CACNG4: variants seen among roughly 807,000 people sequenced by gnomAD.
CACNG4 encodes calcium voltage-gated channel auxiliary subunit gamma 4.
In CACNG4, 8 loss-of-function variants were observed where a neutral mutation model predicts 22.9. The ratio of observed to expected loss-of-function variants is 0.35; its 90% CI spans 0.21 to 0.63. The LOEUF is 0.63. Ranked by LOEUF, CACNG4 falls within the 30% of genes least tolerant of loss-of-function variation. CACNG4 has a pLI of 0.72. For synonymous variants in CACNG4, 188 were observed against 191.9 expected, an observed-to-expected ratio of 0.98 and a Z score of 0.17; for missense variants, 357 against 455.4, an observed-to-expected ratio of 0.78 and a Z score of 1.97.
At position 67,024,998 on chromosome 17, in the gene CACNG4, C is replaced by A; in HGVS notation, c.443C>A (p.Ala148Glu). ...AGTGCCGGCATCCTCTTCGTGGCTG[C>A]AGGTGAGCCGCCCGCCCGGGCTGGT... ...VLSAGILFVA[A>E]GLSNIIGIIV... The change falls in exon 3 of 4, where the codon GCA becomes GAA. Residue 148 changes from alanine (A) to glutamate (E), a missense_variant and splice_region_variant. Coordinates refer to ENST00000262138, the MANE Select transcript of CACNG4 (RefSeq NM_014405.4). 6.3e-7 allele frequency: 1 copy of A among 1,588,454 alleles called. No individual in the cohort carries two copies. Among genetic ancestry groups the A allele is most frequent in the Admixed American group, 1.7e-5 (1 of 57,386 alleles).
chr17:66,975,207 G>C (rs1400432463), intron 1 of CACNG4, among the ~76,000 whole-genome samples: 2 of 152,170 alleles, frequency 1.3e-5, no homozygotes, highest in Non-Finnish European at 2.9e-5. Flanking sequence ...AAAACCAAAT[G>C]AGTAAAAATC....
At position 67,026,654 on chromosome 17, in the gene CACNG4, CGTGT is replaced by C. The variant is rs2035569270; in HGVS notation, c.445+1659_445+1662del. Among the ~76,000 whole-genome samples the C allele has an allele frequency of 3.8e-5, 4 of 104,338 alleles. No homozygotes were observed. In the South Asian group the frequency reaches 1.2e-3, roughly 33 times the overall value. The allele number at this position is 104,338 out of a possible 152,430, so 68.4% of individuals were successfully genotyped here. Reference sequence around the variant, plus strand: ...GTGTGTGTCTGAGACGTGTAGTGTGCGTGTGTGTATTTGAGGACTGTGGTGTGTG... The same window carrying C: ...GTGTGTGTCTGAGACGTGTAGTGTGCGTGTATTTGAGGACTGTGGTGTGTG... On this transcript the variant is annotated intron_variant, in intron 3 of 3. Transcript: ENST00000262138.
At chr17:66,999,647 C>A (rs867113512) in intron 1 of CACNG4, among the ~76,000 whole-genome samples, 4 of 152,144 alleles carry the variant, frequency 2.6e-5, no homozygotes, top group African/African-American at 9.7e-5. Flanking sequence ...CAGGAGAACA[C>A]CACGGGGGGA....
At chr17:67,016,620 C>T (rs778384597) in intron 1 of CACNG4, among the ~76,000 whole-genome samples, 4 of 152,168 alleles carry the variant, frequency 2.6e-5, no homozygotes, top group Non-Finnish European at 4.4e-5. Flanking sequence ...CGCTTGCAGC[C>T]GCTGCAGGAA....
At chr17:67,012,442 G>A (rs2143344390) in intron 1 of CACNG4, among the ~76,000 whole-genome samples, 1 of 152,240 alleles carries the variant, frequency 6.6e-6, no homozygotes, top group African/African-American at 2.4e-5. Context: ...CCATCCTAGG[G>A]ACCAGGCATC....
chr17:67,000,933 C>A (rs1255163424), intron 1 of CACNG4, among the ~76,000 whole-genome samples: 2 of 152,040 alleles, frequency 1.3e-5, no homozygotes, highest in Non-Finnish European at 1.5e-5. Flanking sequence ...TCTTGTATAT[C>A]AGATGGTTAG....
chr17:66,988,264 G>C (rs866369864), intron 1 of CACNG4, among the ~76,000 whole-genome samples: 1 of 151,996 alleles, frequency 6.6e-6, no homozygotes, highest in Non-Finnish European at 1.5e-5. Flanking sequence ...TGGAGCACAC[G>C]CATCAAGGCT....
At chr17:66,966,603 C>T (rs1263647914) in intron 1 of CACNG4, among the ~76,000 whole-genome samples, 3 of 152,150 alleles carry the variant, frequency 2.0e-5, no homozygotes, top group Non-Finnish European at 4.4e-5. Context: ...CAACTTGGCC[C>T]CCTTTTCCCC....
intron 1 of CACNG4, among the ~76,000 whole-genome samples, chr17:66,986,018 T>C (rs2035303783): frequency 6.6e-6 from 1 of 152,148 alleles, no homozygotes; most frequent in African/African-American, 2.4e-5. Flanking sequence ...ACATCATGCC[T>C]GCTCCGGGGC....
chr17:66,990,632 TTAAATC>T (rs930093637), intron 1 of CACNG4, among the ~76,000 whole-genome samples: 70 of 150,930 alleles, frequency 4.6e-4, no homozygotes, highest in Middle Eastern at 3.4e-3. Context: ...TCTGCACTCT[TTAAATC>T]TAAGTCTCCT....
intron 1 of CACNG4, among the ~76,000 whole-genome samples, chr17:66,969,429 T>C (rs2035190801): frequency 6.6e-6 from 1 of 152,116 alleles, no homozygotes; most frequent in African/African-American, 2.4e-5. Flanking sequence ...ATGCCAGGGG[T>C]GGCCCCCGCA....
chr17:67,000,355 C>T (rs911162364), intron 1 of CACNG4, among the ~76,000 whole-genome samples: 8 of 152,108 alleles, frequency 5.3e-5, no homozygotes, highest in Non-Finnish European at 1.0e-4. Flanking sequence ...CCAAGCCCCA[C>T]GCCTGGGCTG....
At chr17:66,989,276 G>T (rs750900983) in intron 1 of CACNG4, among the ~76,000 whole-genome samples, 19 of 151,048 alleles carry the variant, frequency 1.3e-4, no homozygotes, top group Non-Finnish European at 2.1e-4. Flanking sequence ...TTAAGATGAG[G>T]TCATACTCCA....
intron 1 of CACNG4, among the ~76,000 whole-genome samples, chr17:66,988,500 G>A (rs1279024804): frequency 2.6e-5 from 4 of 152,288 alleles, no homozygotes; most frequent in Middle Eastern, 3.4e-3. Flanking sequence ...TTGGCTCCGC[G>A]TGTCTGCCTG....
At position 66,984,523 on chromosome 17, in the gene CACNG4, G is replaced by A. The variant is rs2035294331; in HGVS notation, c.220+19392G>A. Among the ~76,000 whole-genome samples the A allele has an allele frequency of 6.6e-6, 1 of 152,214 alleles. No homozygotes were observed. Among genetic ancestry groups the A allele is most frequent in the Non-Finnish European group, 1.5e-5 (1 of 68,030 alleles). On this transcript the variant is annotated intron_variant, in intron 1 of 3. Transcript: ENST00000262138. This position sits in a 1 kb window ranked among gnomAD's most constrained non-coding sequence, Gnocchi z 4.0. ...TCCAGCAAATACTAGTCGAGAATGT[G>A]TGTGCCTAGCCCTGTGCTATGTTCT...
At chr17:67,012,712 T>G (rs968311350) in intron 1 of CACNG4, among the ~76,000 whole-genome samples, 1 of 152,166 alleles carries the variant, frequency 6.6e-6, no homozygotes, top group Admixed American at 6.5e-5. Flanking sequence ...TACTCAGTGC[T>G]GTGGGCAGAA....
At chr17:66,975,684 C>T (rs2035231681) in intron 1 of CACNG4, among the ~76,000 whole-genome samples, 1 of 152,188 alleles carries the variant, frequency 6.6e-6, no homozygotes, top group Non-Finnish European at 1.5e-5. Flanking sequence ...CAGGTCAGCT[C>T]ACCAGCCTGC....
At chr17:66,980,110 G>T (rs192973642) in intron 1 of CACNG4, among the ~76,000 whole-genome samples, 9 of 152,158 alleles carry the variant, frequency 5.9e-5, no homozygotes, top group African/African-American at 2.2e-4. Context: ...TATGCCCAGC[G>T]ACTTCTTGCC....
In CACNG4 at chr17:67,024,845, C is replaced by T. The variant is rs531600468; in HGVS notation, c.305-15C>T. On this transcript the variant is annotated splice_polypyrimidine_tract_variant and intron_variant, in intron 2 of 3. Coordinates refer to ENST00000262138, the MANE Select transcript of CACNG4 (RefSeq NM_014405.4). ...TCACTGCCCTCTGCTTTGTGCCCCC[C>T]ACCTCCCCGGCCAGGCATCGTGCGA... The T allele has an allele frequency of 9.2e-6, 14 of 1,523,974 alleles. No individual in the cohort carries two copies. The African/African-American group carries it at 1.7e-4, about 18-fold the overall frequency. The allele number at this position is 1,523,974 out of a possible 1,614,324, so 94.4% of individuals were successfully genotyped here.
Sources: allele counts gnomAD v4.1 joint callset (sites outside exome capture counted in the v4.1 genomes callset), GRCh38; gene constraint gnomAD v4.1.1; non-coding constraint Gnocchi (gnomAD v3.1); transcripts MANE v1.5; gene names NCBI Gene and HGNC (gene_info 2026-07-23, HGNC 2026-07-21).